Variants in STT3A observed in about 807,000 individuals in gnomAD.
The protein encoded by STT3A is dolichyl-diphosphooligosaccharide--protein glycosyltransferase subunit STT3A.
In STT3A, 34 loss-of-function variants were observed where a neutral mutation model predicts 89.2. That is an observed-to-expected ratio of 0.38 (90% CI 0.29 to 0.51). The LOEUF (loss-of-function observed/expected upper bound fraction) is 0.51. STT3A is among the 20% of genes least tolerant of loss of function. The pLI, the probability that STT3A is intolerant of heterozygous loss-of-function variation, is 0.89. For synonymous variants in STT3A, 282 were observed against 310.3 expected (o/e 0.91, Z 0.96); for missense variants, 555 against 889.5 (o/e 0.62, Z 4.78).
At chr11:125,593,107 G>A (rs937091317) in intron 1 of STT3A, 189 bp downstream of exon 1, 1 of 154,272 alleles carries the variant, frequency 6.5e-6, no homozygotes, top group African/African-American at 2.4e-5. Flanking sequence ...AAGGTCTAGG[G>A]AGGGAGGGTA....
Position 125,596,372 on chromosome 11 carries a change from C to T in STT3A, c.88+369C>T, listed in dbSNP as rs368202117. Among the ~76,000 whole-genome samples, 113 of 152,070 alleles carry T rather than the reference C, an allele frequency of 7.4e-4. 2 individuals carry two copies. The South Asian group carries it at 0.022, about 29-fold the overall frequency. On this transcript the variant is annotated intron_variant, in intron 2 of 17. Coordinates refer to ENST00000392708, the MANE Select transcript of STT3A (RefSeq NM_152713.5). ...CCCAGCTACTTGGGAGGCTGAGGCA[C>T]GAGAATCGCTCGAACCTGGGAGGCA... is the stretch of plus-strand genomic sequence containing the variant.
chr11:125,608,226 C>A lies in STT3A; in HGVS notation c.898C>A (p.Arg300=). 2 of 1,614,162 alleles carry A rather than the reference C, an allele frequency of 1.2e-6. No homozygotes were observed. Among genetic ancestry groups the A allele is most frequent in the Non-Finnish European group, 1.7e-6 (2 of 1,180,018 alleles). The part of the protein sequence containing the change: ...LNPQQFEVLF[R]SVISLVGFVL... The stretch of plus-strand genomic sequence containing the variant: ...TCCACAACAATTTGAAGTTCTTTTC[C>A]GGAGCGTCATCTCTCTGGTAGGCTT... The change falls in exon 9 of 18, where the codon CGG becomes AGG. Residue 300 remains arginine, a synonymous_variant. Coordinates refer to ENST00000392708, the MANE Select transcript of STT3A (RefSeq NM_152713.5).
intron 16 of STT3A, 90 bp downstream of exon 16, chr11:125,618,651 C>G (rs748061774): frequency 7.6e-7 from 1 of 1,323,956 alleles, no homozygotes; most frequent in East Asian, 2.5e-5. Context: ...CTAGTAAGTG[C>G]TTTGTGTCTG....
intron 4 of STT3A, 29 bp from the exon 5 acceptor site, chr11:125,602,774 C>G: frequency 6.2e-7 from 1 of 1,613,724 alleles, no homozygotes. Context: ...GGTAAGACAA[C>G]CTAATGGAGT....
upstream of STT3A, chr11:125,592,705 T>A (rs1182046445): frequency 6.5e-6 from 2 of 309,754 alleles, no homozygotes; most frequent in Non-Finnish European, 1.3e-5. Flanking sequence ...ATAGCTGTAA[T>A]GACCAATTAA....
intron 2 of STT3A, among the ~76,000 whole-genome samples, chr11:125,596,556 C>A (rs1565341225): frequency 6.6e-6 from 1 of 152,152 alleles, no homozygotes; most frequent in South Asian, 2.1e-4. Context: ...ATATTGGGGA[C>A]CCTTGGATAA....
chr11:125,618,811 T>C (rs1940257180), intron 16 of STT3A, among the ~76,000 whole-genome samples: 1 of 151,810 alleles, frequency 6.6e-6, no homozygotes, highest in Non-Finnish European at 1.5e-5. Flanking sequence ...CATGGCTCAC[T>C]GCAGCCTTGA....
intron 16 of STT3A, 141 bp from the exon 17 acceptor site, chr11:125,619,870 C>A: frequency 1.5e-6 from 1 of 671,266 alleles, no homozygotes; most frequent in Non-Finnish European, 2.5e-6. Context: ...ACCTCATGCC[C>A]TTTTTTGCAG....
chr11:125,607,958 T>A, intron 8 of STT3A, 151 bp from the exon 9 acceptor site: 2 of 697,372 alleles, frequency 2.9e-6, no homozygotes, highest in East Asian at 2.8e-5. Flanking sequence ...GGCTGGTGAA[T>A]TAAACCCTTC....
intron 2 of STT3A, 109 bp from the exon 3 acceptor site, chr11:125,596,950 T>C: frequency 1.7e-6 from 2 of 1,190,030 alleles, no homozygotes; most frequent in East Asian, 4.7e-5. Flanking sequence ...GATTATTTTA[T>C]ATTTTCTGTG....
chr11:125,605,793 G>A (rs1939816565), intron 7 of STT3A, 58 bp downstream of exon 7: 1 of 1,432,806 alleles, frequency 7.0e-7, no homozygotes, highest in African/African-American at 1.4e-5. Flanking sequence ...TATTTCCTAT[G>A]GGTACTTATT....
At chr11:125,620,446 T>A (rs1361397154) in intron 17 of STT3A, among the ~76,000 whole-genome samples, 1 of 152,184 alleles carries the variant, frequency 6.6e-6, no homozygotes, top group Non-Finnish European at 1.5e-5. Context: ...ATGTTTATAT[T>A]TAGCTACATT....
intron 16 of STT3A, among the ~76,000 whole-genome samples, chr11:125,619,113 G>A (rs1334458035): frequency 1.3e-5 from 2 of 151,804 alleles, no homozygotes; most frequent in East Asian, 1.9e-4. Context: ...GCAGTGGCAC[G>A]ATCTTGGCTC....
chr11:125,592,831 G>A (rs1283827650), upstream of STT3A: 1 of 181,542 alleles, frequency 5.5e-6, no homozygotes, highest in Non-Finnish European at 1.2e-5. Context: ...AGCGGTCCGG[G>A]AGGCGGACCC....
intron 7 of STT3A, 131 bp from the exon 8 acceptor site, chr11:125,606,170 C>A: frequency 3.4e-6 from 3 of 880,052 alleles, no homozygotes; most frequent in South Asian, 1.8e-5. Flanking sequence ...ACTCTTTAAG[C>A]CATTTGGCAT....
chr11:125,620,912 A>C lies in STT3A; in HGVS notation c.*102A>C. The C allele has an allele frequency of 1.0e-6, 1 of 976,154 alleles. No individual in the cohort carries two copies. Among genetic ancestry groups the C allele is most frequent in the South Asian group, 1.6e-5 (1 of 60,876 alleles). The allele number at this position is 976,154 out of a possible 1,614,324, so 60.5% of individuals were successfully genotyped here. A position where few individuals can be genotyped will look rare whatever the true frequency, so the allele number is the denominator to read the frequency against. On this transcript the variant is annotated 3_prime_UTR_variant, in exon 18 of 18. Transcript: ENST00000392708. ...TTTTTAATATGCAGTTTGTAAGAACAAAACTGGATGGCATCAGAATTGTCT... is the reference window on the plus strand; with the variant it reads ...TTTTTAATATGCAGTTTGTAAGAACCAAACTGGATGGCATCAGAATTGTCT...
At chr11:125,600,643 G>A (rs1939645124) in intron 3 of STT3A, among the ~76,000 whole-genome samples, 1 of 152,022 alleles carries the variant, frequency 6.6e-6, no homozygotes, top group East Asian at 1.9e-4. Context: ...GATTACAGGT[G>A]TTATCTACCT....
chr11:125,609,601 C>T lies in STT3A; in HGVS notation c.1117+12C>T, dbSNP rs2241501. On this transcript the variant is annotated intron_variant, in intron 10 of 17. Transcript: ENST00000392708. The stretch of plus-strand genomic sequence containing the variant: ...CTTCATGTTTCCAGGTATGTGGCCT[C>T]GTGTTCTGAAATGGCCTTGTTCATA... 0.29 allele frequency: 467,383 copies of T among 1,601,370 alleles called. 69,247 individuals are homozygous for T. Among genetic ancestry groups the T allele is most frequent in the East Asian group, 0.39 (17,405 of 44,778 alleles).
chr11:125,600,023 C>T (rs1008256216), intron 3 of STT3A, among the ~76,000 whole-genome samples: 3 of 151,212 alleles, frequency 2.0e-5, no homozygotes, highest in African/African-American at 7.3e-5. Flanking sequence ...ACTACTACGC[C>T]GGCCTCTTAT....
Sources: allele counts gnomAD v4.1 joint callset (sites outside exome capture counted in the v4.1 genomes callset), GRCh38; gene constraint gnomAD v4.1.1; transcripts MANE v1.5; gene names NCBI Gene and HGNC (gene_info 2026-07-23, HGNC 2026-07-21).